Variants in ANKS1B observed in about 807,000 individuals in gnomAD.
ANKS1B encodes the protein ankyrin repeat and sterile alpha motif domain containing 1B.
In ANKS1B, 36 loss-of-function variants were observed where a neutral mutation model predicts 148.3. That is an observed-to-expected ratio of 0.24 (90% CI 0.19 to 0.32). ANKS1B has a LOEUF of 0.32. Among genes scored for constraint, ANKS1B ranks in the 10% least tolerant of loss-of-function variants. ANKS1B has a pLI of 1.00. For missense variants in ANKS1B, 1,157 were observed against 1,542.6 expected (o/e 0.75, Z 4.19); for synonymous variants, 542 against 560.8 (o/e 0.97, Z 0.47).
intron 17 of ANKS1B, among the ~76,000 whole-genome samples, chr12:98,841,529 G>T (rs1025940072): frequency 6.6e-6 from 1 of 152,132 alleles, no homozygotes; most frequent in Non-Finnish European, 1.5e-5. Context: ...TGATAAAAGG[G>T]TTTTATGTGG....
chr12:99,932,790 T>C (rs1322813561), intron 1 of ANKS1B, among the ~76,000 whole-genome samples: 1 of 152,196 alleles, frequency 6.6e-6, no homozygotes, highest in African/African-American at 2.4e-5. Flanking sequence ...CATTTGTCCA[T>C]GTTTGCTTTG....
At chr12:99,012,357 G>A (rs1448502576) in intron 17 of ANKS1B, among the ~76,000 whole-genome samples, 3 of 152,148 alleles carry the variant, frequency 2.0e-5, no homozygotes, top group African/African-American at 7.2e-5. Context: ...TTCCCATTAG[G>A]CCACTCCAGG....
At chr12:99,123,473 T>A (rs990755736) in intron 15 of ANKS1B, among the ~76,000 whole-genome samples, 13 of 151,882 alleles carry the variant, frequency 8.6e-5, no homozygotes, top group Non-Finnish European at 1.9e-4. Flanking sequence ...TAGATGAATA[T>A]ATGAAGGGGA....
At chr12:99,165,956 A>G (rs2077150030) in intron 14 of ANKS1B, among the ~76,000 whole-genome samples, 1 of 151,902 alleles carries the variant, frequency 6.6e-6, no homozygotes, top group Non-Finnish European at 1.5e-5. Flanking sequence ...TACCCCAATA[A>G]TGCAAGGTCT....
chr12:99,123,405 G>A (rs1455562240), intron 15 of ANKS1B, among the ~76,000 whole-genome samples: 4 of 152,162 alleles, frequency 2.6e-5, no homozygotes, highest in Non-Finnish European at 5.9e-5. Flanking sequence ...GACCAGCCAG[G>A]AGACCTGTAT....
At chr12:98,915,591 G>A (rs2099793249) in intron 17 of ANKS1B, among the ~76,000 whole-genome samples, 1 of 152,102 alleles carries the variant, frequency 6.6e-6, no homozygotes, top group African/African-American at 2.4e-5. Flanking sequence ...GATCTCAAGT[G>A]ATCCACCTGC....
At chr12:99,665,643 C>T (rs952632960) in intron 8 of ANKS1B, among the ~76,000 whole-genome samples, 7 of 152,052 alleles carry the variant, frequency 4.6e-5, no homozygotes, top group East Asian at 1.9e-4. Flanking sequence ...CCCACCACCA[C>T]GCCCGGCTAA....
intron 19 of ANKS1B, among the ~76,000 whole-genome samples, chr12:98,808,137 G>T (rs1362446913): frequency 6.6e-6 from 1 of 152,122 alleles, no homozygotes; most frequent in Non-Finnish European, 1.5e-5. Context: ...AATCATTTAT[G>T]CATTTATGCA....
intron 9 of ANKS1B, among the ~76,000 whole-genome samples, chr12:99,608,171 T>C (rs536318025): frequency 6.6e-6 from 1 of 152,242 alleles, no homozygotes; most frequent in South Asian, 2.1e-4. Flanking sequence ...GGCTAGTGTG[T>C]AACCTAATGT....
intron 14 of ANKS1B, among the ~76,000 whole-genome samples, chr12:99,243,067 T>C (rs2089651520): frequency 6.6e-6 from 1 of 151,776 alleles, no homozygotes; most frequent in African/African-American, 2.4e-5. Flanking sequence ...CTAAAGAGAT[T>C]CCACACAGCA....
chr12:99,868,793 CA>C (rs1427399188), intron 1 of ANKS1B, among the ~76,000 whole-genome samples: 2 of 152,222 alleles, frequency 1.3e-5, no homozygotes, highest in African/African-American at 4.8e-5. Flanking sequence ...TGTGGTGGCT[CA>C]AACCTGTAAT....
At chr12:99,733,768 G>A (rs367561387) in intron 8 of ANKS1B, among the ~76,000 whole-genome samples, 2 of 152,142 alleles carry the variant, frequency 1.3e-5, no homozygotes, top group East Asian at 1.9e-4. Flanking sequence ...TCTTCTAGTT[G>A]GGGTGTTAAA....
intron 1 of ANKS1B, among the ~76,000 whole-genome samples, chr12:99,828,878 G>C (rs996661488): frequency 6.6e-6 from 1 of 152,134 alleles, no homozygotes; most frequent in Non-Finnish European, 1.5e-5. Context: ...AGCTACTTGG[G>C]AGGGTGAGGC....
chr12:99,124,367 C>T (rs902437847), intron 15 of ANKS1B, among the ~76,000 whole-genome samples: 20 of 151,402 alleles, frequency 1.3e-4, no homozygotes, highest in Admixed American at 1.1e-3. Context: ...ACAGCATTTC[C>T]GCCCTGGGGA....
intron 8 of ANKS1B, among the ~76,000 whole-genome samples, chr12:99,709,985 A>G (rs1451704762): frequency 6.6e-6 from 1 of 152,144 alleles, no homozygotes; most frequent in East Asian, 1.9e-4. Context: ...TCATCCTCAG[A>G]TGTAGCCTTA....
At chr12:99,372,673 T>C (rs1413584889) in intron 12 of ANKS1B, among the ~76,000 whole-genome samples, 2 of 152,102 alleles carry the variant, frequency 1.3e-5, no homozygotes, top group African/African-American at 4.8e-5. Context: ...GTTTTATACA[T>C]CCATACACAC....
intron 12 of ANKS1B, among the ~76,000 whole-genome samples, chr12:99,317,210 C>T (rs1336368224): frequency 6.6e-6 from 1 of 152,138 alleles, no homozygotes; most frequent in Non-Finnish European, 1.5e-5. Flanking sequence ...TGAAGAAAGT[C>T]ATTGGTAGCT....
chr12:98,850,506 C>G (rs191537505), intron 17 of ANKS1B, among the ~76,000 whole-genome samples: 1 of 120,084 alleles, frequency 8.3e-6, no homozygotes, highest in Admixed American at 1.1e-4. Flanking sequence ...CTCACTCTGT[C>G]GCCCAGGCCA....
intron 11 of ANKS1B, among the ~76,000 whole-genome samples, chr12:99,415,552 T>C (rs2094870198): frequency 6.6e-6 from 1 of 152,228 alleles, no homozygotes; most frequent in African/African-American, 2.4e-5. Context: ...TCATATGCCA[T>C]TGTGAGAAAT....
Sources: allele counts gnomAD v4.1 joint callset (sites outside exome capture counted in the v4.1 genomes callset), GRCh38; gene constraint gnomAD v4.1.1; transcripts MANE v1.5; gene names NCBI Gene and HGNC (gene_info 2026-07-23, HGNC 2026-07-21).